The following ZNF804B variants were observed in gnomAD, a reference collection of about 807,000 sequenced individuals.
The protein encoded by ZNF804B is zinc finger 804B.
A neutral mutation model predicts 101.4 loss-of-function variants in ZNF804B; 80 were observed. That is an observed-to-expected ratio of 0.79 (90% CI 0.66 to 0.95). The LOEUF (loss-of-function observed/expected upper bound fraction) is 0.95. Ranked by LOEUF, ZNF804B falls within the 40% of genes least tolerant of loss-of-function variation. ZNF804B has a pLI of 0.00. For missense variants in ZNF804B, 1,673 were observed against 1,561.9 expected (o/e 1.07, Z -1.20); for synonymous variants, 622 against 558.8 (o/e 1.11, Z -1.59).
chr7:88,992,790 G>T (rs1157860996), intron 1 of ZNF804B, among the ~76,000 whole-genome samples: 1 of 151,898 alleles, frequency 6.6e-6, no homozygotes, highest in African/African-American at 2.4e-5. Context: ...ACCACTTTTA[G>T]AATTCTGCCT....
At chr7:88,865,776 C>A (rs965959772) in intron 1 of ZNF804B, among the ~76,000 whole-genome samples, 1 of 152,090 alleles carries the variant, frequency 6.6e-6, no homozygotes, top group African/African-American at 2.4e-5. Flanking sequence ...GTCATCTGCG[C>A]CTAGAGTGAT....
intron 2 of ZNF804B, among the ~76,000 whole-genome samples, chr7:89,297,483 C>T (rs1790401471): frequency 1.3e-5 from 2 of 152,040 alleles, no homozygotes. Flanking sequence ...ACATAGTCCA[C>T]AGAAGCCTAT....
At chr7:88,772,774 A>G (rs1790087789) in intron 1 of ZNF804B, among the ~76,000 whole-genome samples, 1 of 152,194 alleles carries the variant, frequency 6.6e-6, no homozygotes, top group South Asian at 2.1e-4. Flanking sequence ...ACTCAGTAAT[A>G]CTTGACCAGT....
chr7:88,902,726 C>A (rs1792410588), intron 1 of ZNF804B, among the ~76,000 whole-genome samples: 1 of 151,894 alleles, frequency 6.6e-6, no homozygotes, highest in South Asian at 2.1e-4. Context: ...TTTAAATACA[C>A]TATGTTATAA....
chr7:89,163,291 A>G (rs540318757), intron 1 of ZNF804B, among the ~76,000 whole-genome samples: 10 of 152,294 alleles, frequency 6.6e-5, no homozygotes, highest in African/African-American at 2.4e-4. Flanking sequence ...TAAGAGCTTC[A>G]TGTAAAAGCT....
chr7:89,055,346 G>A (rs1043914021), intron 1 of ZNF804B, among the ~76,000 whole-genome samples: 7 of 152,138 alleles, frequency 4.6e-5, no homozygotes, highest in Non-Finnish European at 1.5e-5. Context: ...TAAGTTCAAT[G>A]AGAAGCCAAA....
intron 2 of ZNF804B, among the ~76,000 whole-genome samples, chr7:89,271,451 T>C (rs1192788245): frequency 2.0e-5 from 3 of 152,166 alleles, no homozygotes; most frequent in Non-Finnish European, 2.9e-5. Context: ...TTTTGATATG[T>C]TGCTGGATTC....
chr7:89,072,772 C>T (rs1296718478), intron 1 of ZNF804B, among the ~76,000 whole-genome samples: 1 of 151,998 alleles, frequency 6.6e-6, no homozygotes, highest in African/African-American at 2.4e-5. Flanking sequence ...TTTCTTATTT[C>T]AACTCTATTT....
chr7:88,791,773 A>G (rs1344350386), intron 1 of ZNF804B, among the ~76,000 whole-genome samples: 1 of 152,134 alleles, frequency 6.6e-6, no homozygotes, highest in Non-Finnish European at 1.5e-5. Flanking sequence ...TATTTTTCCC[A>G]TTACATATGT....
chr7:88,857,282 A>G (rs1232264152), intron 1 of ZNF804B, among the ~76,000 whole-genome samples: 1 of 152,220 alleles, frequency 6.6e-6, no homozygotes, highest in Non-Finnish European at 1.5e-5. Flanking sequence ...TGACAGAAAT[A>G]GAGACACAAA....
chr7:89,205,931 T>A (rs951282483), intron 1 of ZNF804B, among the ~76,000 whole-genome samples: 1 of 152,242 alleles, frequency 6.6e-6, no homozygotes, highest in Non-Finnish European at 1.5e-5. Flanking sequence ...AGCAAACTTC[T>A]ACCTGGACAT....
intron 2 of ZNF804B, among the ~76,000 whole-genome samples, chr7:89,279,042 A>T (rs1790035585): frequency 1.3e-5 from 2 of 152,128 alleles, no homozygotes; most frequent in South Asian, 2.1e-4. Context: ...AGTGGTTTGT[A>T]GTTCTCCTTG....
intron 1 of ZNF804B, among the ~76,000 whole-genome samples, chr7:88,808,382 C>T (rs1461552359): frequency 1.2e-5 from 1 of 81,284 alleles, no homozygotes; most frequent in Admixed American, 1.4e-4. Context: ...GACATCATCT[C>T]AAAAAAAAAA....
chr7:88,833,565 C>T (rs939511759), intron 1 of ZNF804B, among the ~76,000 whole-genome samples: 2 of 151,676 alleles, frequency 1.3e-5, no homozygotes, highest in South Asian at 2.1e-4. Flanking sequence ...TTAGAGTCTG[C>T]GAGTTTGAAA....
intron 1 of ZNF804B, among the ~76,000 whole-genome samples, chr7:89,022,660 A>G (rs1018442931): frequency 6.6e-6 from 1 of 152,190 alleles, no homozygotes; most frequent in Non-Finnish European, 1.5e-5. Context: ...TATGAAAGAA[A>G]GCTTATGTGT....
At chr7:89,154,117 C>A (rs1790919291) in intron 1 of ZNF804B, among the ~76,000 whole-genome samples, 1 of 152,058 alleles carries the variant, frequency 6.6e-6, no homozygotes, top group Non-Finnish European at 1.5e-5. Flanking sequence ...AAATGGCAAA[C>A]AGGCATATGA....
chr7:89,120,994 T>C (rs1038721644), intron 1 of ZNF804B, among the ~76,000 whole-genome samples: 3 of 152,226 alleles, frequency 2.0e-5, no homozygotes, highest in East Asian at 1.9e-4. Flanking sequence ...ATTTTGCATA[T>C]ATTAAACGAC....
intron 1 of ZNF804B, among the ~76,000 whole-genome samples, chr7:89,175,597 T>G (rs896884354): frequency 6.6e-6 from 1 of 152,096 alleles, no homozygotes; most frequent in Admixed American, 6.6e-5. Context: ...CTGTTGCTAT[T>G]TCTGTGAAGA....
At chr7:88,906,271 T>C (rs1260139135) in intron 1 of ZNF804B, among the ~76,000 whole-genome samples, 2 of 152,176 alleles carry the variant, frequency 1.3e-5, no homozygotes, top group African/African-American at 4.8e-5. Flanking sequence ...TCAGTTATTC[T>C]CCACTTTTAG....
Sources: gnomAD v4.1 joint callset for allele counts (sites outside exome capture counted in the v4.1 genomes callset) on GRCh38, gnomAD v4.1.1 for gene constraint, MANE v1.5 for transcripts, NCBI Gene and HGNC (gene_info 2026-07-23, HGNC 2026-07-21) for gene names.